The following PIK3C2G variants were observed in gnomAD, a reference collection of about 807,000 sequenced individuals.
PIK3C2G encodes the protein phosphatidylinositol-4-phosphate 3-kinase catalytic subunit type 2 gamma, also known as phosphatidylinositol 3-kinase C2 domain-containing subunit gamma.
PIK3C2G carries 168 observed loss-of-function variants against 181.1 expected under a neutral mutation model. That is an observed-to-expected ratio of 0.93 (90% CI 0.82 to 1.05). PIK3C2G has a LOEUF of 1.05. Ranked by LOEUF, PIK3C2G falls within the 50% of genes least tolerant of loss-of-function variation. The pLI, the probability that PIK3C2G is intolerant of heterozygous loss-of-function variation, is 0.00. For missense variants in PIK3C2G, 1,869 were observed against 1,732.8 expected (o/e 1.08, Z -1.40); for synonymous variants, 573 against 592.2 (o/e 0.97, Z 0.47).
chr12:18,590,587 T>A (rs1209161288), intron 29 of PIK3C2G, among the ~76,000 whole-genome samples: 1 of 151,852 alleles, frequency 6.6e-6, no homozygotes, highest in East Asian at 1.9e-4. Flanking sequence ...CGGCATAGGT[T>A]ATTAATGAGA....
In PIK3C2G at chr12:18,562,951, C is replaced by T. The variant is rs1945429160; in HGVS notation, c.3780+59C>T. ...TCACTTGACTTTATCTCAGACTTCT[C>T]TTCACTATGCTACACAGCCTTTCTT... On this transcript the variant is annotated intron_variant, in intron 27 of 32. Coordinates refer to ENST00000538779, the MANE Select transcript of PIK3C2G (RefSeq NM_001288772.2). 3.7e-6 allele frequency: 4 copies of T among 1,091,650 alleles called. No individual in the cohort carries two copies. The South Asian group carries it at 4.2e-5, about 11-fold the overall frequency. 67.6% of individuals were successfully genotyped at this position (1,091,650 alleles called of 1,614,324 possible).
At chr12:18,505,902 A>G (rs1360099312) in intron 24 of PIK3C2G, among the ~76,000 whole-genome samples, 1 of 152,238 alleles carries the variant, frequency 6.6e-6, no homozygotes, top group Non-Finnish European at 1.5e-5. Flanking sequence ...TATTTAGGGA[A>G]TACCTACTAT....
intron 13 of PIK3C2G, among the ~76,000 whole-genome samples, chr12:18,378,928 G>A (rs911749363): frequency 4.6e-5 from 7 of 152,206 alleles, no homozygotes; most frequent in South Asian, 4.1e-4. Context: ...ACTGTAAACT[G>A]GTTCAACCAT....
intron 18 of PIK3C2G, among the ~76,000 whole-genome samples, chr12:18,483,883 G>A (rs532286201): frequency 7.9e-5 from 12 of 152,178 alleles, no homozygotes; most frequent in East Asian, 1.9e-4. Context: ...ACTTGCTGTC[G>A]TCCTGCTTGG....
chr12:18,295,729 A>T (rs1484674162), intron 5 of PIK3C2G, among the ~76,000 whole-genome samples: 4 of 149,252 alleles, frequency 2.7e-5, no homozygotes, highest in Non-Finnish European at 5.9e-5. Flanking sequence ...CCTAATGGAC[A>T]TTGAAACATT....
chr12:18,452,898 A>G (rs1386830684), intron 18 of PIK3C2G, among the ~76,000 whole-genome samples: 1 of 151,988 alleles, frequency 6.6e-6, no homozygotes, highest in Non-Finnish European at 1.5e-5. Flanking sequence ...TTAATCCTGA[A>G]TTCTATTTTG....
chr12:18,683,622 A>G, the PIK3C2G span: 7 of 1,402,426 alleles, frequency 5.0e-6, no homozygotes, highest in African/African-American at 1.0e-4. Flanking sequence ...TCCTAGGCAC[A>G]TCTCAGATGC....
intron 18 of PIK3C2G, among the ~76,000 whole-genome samples, chr12:18,476,403 A>C (rs530491892): frequency 6.6e-6 from 1 of 152,272 alleles, no homozygotes; most frequent in Admixed American, 6.5e-5. Context: ...CAAATCATGA[A>C]GTGCTCTGTT....
At chr12:18,306,832 G>T (rs1445207787) in intron 5 of PIK3C2G, among the ~76,000 whole-genome samples, 1 of 151,562 alleles carries the variant, frequency 6.6e-6, no homozygotes, top group Admixed American at 6.6e-5. Flanking sequence ...CAGCAATCCT[G>T]GTTTTCAATA....
At chr12:18,637,377 G>C (rs1427885347) in intron 31 of PIK3C2G, among the ~76,000 whole-genome samples, 1 of 147,766 alleles carries the variant, frequency 6.8e-6, no homozygotes, top group Non-Finnish European at 1.5e-5. Context: ...ATTCAGGTAA[G>C]ATTTTGTTCA....
intron 13 of PIK3C2G, among the ~76,000 whole-genome samples, chr12:18,380,428 C>G (rs1440277524): frequency 6.6e-6 from 1 of 152,198 alleles, no homozygotes; most frequent in African/African-American, 2.4e-5. Context: ...TGCATTCTGC[C>G]TAACACTAAT....
chr12:18,597,116 G>A (rs1460362932), intron 30 of PIK3C2G, among the ~76,000 whole-genome samples: 1 of 151,628 alleles, frequency 6.6e-6, no homozygotes, highest in Admixed American at 6.6e-5. Context: ...GAGTGTGAAG[G>A]ATATAAGTAA....
intron 15 of PIK3C2G, among the ~76,000 whole-genome samples, chr12:18,394,010 T>G (rs1272610009): frequency 1.3e-5 from 2 of 152,096 alleles, no homozygotes. Context: ...TACTCAACTT[T>G]CCAGGTGGAA....
At chr12:18,349,985 C>T (rs1381987279) in intron 11 of PIK3C2G, among the ~76,000 whole-genome samples, 6 of 152,132 alleles carry the variant, frequency 3.9e-5, no homozygotes, top group African/African-American at 7.2e-5. Flanking sequence ...AGCAGGAATA[C>T]GTAGTCCATG....
intron 5 of PIK3C2G, among the ~76,000 whole-genome samples, chr12:18,303,139 T>TTTCTTTCTTTCTTCTTTCTTTCTTTC (rs71302109): frequency 3.1e-5 from 4 of 128,656 alleles, no homozygotes; most frequent in African/African-American, 1.2e-4. Flanking sequence ...TCTTTCTTTC[T>TTTCTTTCTTTCTTCTTTCTTTCTTTC]TTTCTTTTCT....
chr12:18,251,385 CTTG>C (rs1291982346), intron 1 of PIK3C2G, among the ~76,000 whole-genome samples: 3 of 151,868 alleles, frequency 2.0e-5, no homozygotes, highest in Non-Finnish European at 2.9e-5. Flanking sequence ...CTATTTGAGC[CTTG>C]TTGTTTACTA....
At chr12:18,374,271 A>C (rs981292580) in intron 13 of PIK3C2G, among the ~76,000 whole-genome samples, 1 of 151,914 alleles carries the variant, frequency 6.6e-6, no homozygotes, top group African/African-American at 2.4e-5. Flanking sequence ...TCATAATTTC[A>C]AAAAAGGCCT....
intron 18 of PIK3C2G, among the ~76,000 whole-genome samples, chr12:18,443,169 C>G (rs1946840211): frequency 6.6e-6 from 1 of 152,114 alleles, no homozygotes; most frequent in South Asian, 2.1e-4. Flanking sequence ...CCATGCCCAG[C>G]CTAATATCCG....
intron 31 of PIK3C2G, among the ~76,000 whole-genome samples, chr12:18,629,645 A>G (rs147842132): frequency 0.011 from 1,632 of 152,280 alleles, 28 homozygotes; most frequent in African/African-American, 0.037. Context: ...TGACTCAGAG[A>G]TAGGATAAGG....
Sources: allele counts gnomAD v4.1 joint callset (sites outside exome capture counted in the v4.1 genomes callset), GRCh38; gene constraint gnomAD v4.1.1; transcripts MANE v1.5; gene names NCBI Gene and HGNC (gene_info 2026-07-23, HGNC 2026-07-21).